The following RAB3GAP1 variants were observed in gnomAD, a reference collection of about 807,000 sequenced individuals.
RAB3GAP1 encodes RAB3 GTPase activating protein catalytic subunit 1.
RAB3GAP1 carries 86 observed loss-of-function variants against 130.7 expected under a neutral mutation model. That is an observed-to-expected ratio of 0.66 (90% CI 0.55 to 0.79). The LOEUF (loss-of-function observed/expected upper bound fraction) is 0.79, where lower values mean the gene tolerates loss of function less well. Ranked by LOEUF, RAB3GAP1 falls within the 30% of genes least tolerant of loss-of-function variation. The pLI is 0.00. For missense variants in RAB3GAP1, 1,029 were observed against 1,169.4 expected (o/e 0.88, Z 1.75); for synonymous variants, 367 against 401.7 (o/e 0.91, Z 1.03).
At chr2:135,114,259 T>C (rs1371828131) in intron 6 of RAB3GAP1, among the ~76,000 whole-genome samples, 1 of 152,234 alleles carries the variant, frequency 6.6e-6, no homozygotes, top group Non-Finnish European at 1.5e-5. Context: ...GGCCCTATTC[T>C]TAAATGGAAG....
chr2:135,113,082 G>A, intron 5 of RAB3GAP1, 69 bp from the exon 6 acceptor site: 1 of 1,605,846 alleles, frequency 6.2e-7, no homozygotes, highest in Non-Finnish European at 8.5e-7. Flanking sequence ...ATTTTTTTGT[G>A]CTTTTCAAGT....
intron 5 of RAB3GAP1, among the ~76,000 whole-genome samples, chr2:135,102,147 A>G (rs1018341086): frequency 6.6e-6 from 1 of 152,222 alleles, no homozygotes; most frequent in African/African-American, 2.4e-5. Flanking sequence ...ATCTGGGTGG[A>G]CCCAGTATAA....
chr2:135,103,031 T>G (rs1264181492), intron 5 of RAB3GAP1, among the ~76,000 whole-genome samples: 1 of 136,428 alleles, frequency 7.3e-6, no homozygotes, highest in Non-Finnish European at 1.5e-5. Context: ...AAATCATTTT[T>G]GTGATTTTTT....
rs2104957754 is a variant in RAB3GAP1 at position 135,139,095 on chromosome 2, T to G, written c.1923+3163T>G. ...ATCGCCTATGATTTTTCTTTTAGGTTGCTCCCCTGTTCTTATTGATTCATA... is the reference window on the plus strand; with the variant it reads ...ATCGCCTATGATTTTTCTTTTAGGTGGCTCCCCTGTTCTTATTGATTCATA... On this transcript the variant is annotated intron_variant, in intron 17 of 23. Coordinates refer to ENST00000264158, the MANE Select transcript of RAB3GAP1 (RefSeq NM_012233.3). Among the ~76,000 whole-genome samples, 2 of 152,328 alleles carry G rather than the reference T, an allele frequency of 1.3e-5. 1 individual carries two copies. The highest frequency in any genetic ancestry group is 3.9e-4 in the East Asian group (2 of 5,190).
intron 5 of RAB3GAP1, among the ~76,000 whole-genome samples, chr2:135,108,608 T>G (rs1407238590): frequency 6.6e-6 from 1 of 152,066 alleles, no homozygotes; most frequent in Non-Finnish European, 1.5e-5. Context: ...CTGAAATGTC[T>G]TTTGCAAATA....
In RAB3GAP1 at chr2:135,150,446, G is replaced by C. The variant is rs1692143443; in HGVS notation, c.2001G>C (p.Gly667=). Residue 667 remains glycine, a synonymous_variant, in exon 18 of 24, where the codon GGG becomes GGC. Coordinates refer to ENST00000264158, the MANE Select transcript of RAB3GAP1 (RefSeq NM_012233.3). ...VLAKLGTSAE[G]AHLRARMQSA... is the part of the protein sequence containing the mutation. Reference sequence around the variant, plus strand: ...CTAAATTAGGTACATCGGCAGAGGGGGCTCACCTTCGAGCACGCATGCAGA... The same window carrying C: ...CTAAATTAGGTACATCGGCAGAGGGCGCTCACCTTCGAGCACGCATGCAGA... 1 of 1,614,042 alleles carries C rather than the reference G, an allele frequency of 6.2e-7. No individual in the cohort carries two copies.
intron 9 of RAB3GAP1, among the ~76,000 whole-genome samples, 181 bp from the exon 10 acceptor site, chr2:135,126,000 T>G (rs1691336966): frequency 6.6e-6 from 1 of 152,208 alleles, no homozygotes; most frequent in Non-Finnish European, 1.5e-5. Context: ...GATGAATGTT[T>G]GCAAAACATT....
chr2:135,119,977 TTTG>T (rs1430093451), intron 7 of RAB3GAP1, among the ~76,000 whole-genome samples: 4 of 152,206 alleles, frequency 2.6e-5, no homozygotes, highest in Non-Finnish European at 5.9e-5. Context: ...TAAGTTTTCT[TTTG>T]TTAGCTGATT....
chr2:135,080,508 A>G (rs773458138), intron 3 of RAB3GAP1, among the ~76,000 whole-genome samples: 13 of 152,214 alleles, frequency 8.5e-5, no homozygotes, highest in Admixed American at 2.6e-4. Flanking sequence ...CCAAGTGCCT[A>G]TTAGATCTGA....
chr2:135,146,515 A>G (rs1379287188), intron 17 of RAB3GAP1, among the ~76,000 whole-genome samples: 1 of 152,120 alleles, frequency 6.6e-6, no homozygotes, highest in African/African-American at 2.4e-5. Context: ...CCTGACTCCA[A>G]ATGAATATTT....
intron 3 of RAB3GAP1, among the ~76,000 whole-genome samples, chr2:135,078,697 C>T (rs1364961957): frequency 9.7e-6 from 1 of 103,022 alleles, no homozygotes; most frequent in African/African-American, 4.3e-5. Context: ...CCCCTGCCCT[C>T]CCCTCCCCTC....
intron 3 of RAB3GAP1, among the ~76,000 whole-genome samples, chr2:135,087,255 T>G (rs1371820458): frequency 6.6e-6 from 1 of 152,218 alleles, no homozygotes; most frequent in Non-Finnish European, 1.5e-5. Flanking sequence ...GGACTCTATT[T>G]CATTGATCTG....
At position 135,168,966 on chromosome 2, in the gene RAB3GAP1, G is replaced by T; in HGVS notation, c.*185G>T. ...TGAGCTGTGTCGTTTCGTGGAGGGGGCAGCGAGGATGGGCTTGAGCTGTTG... is the reference window on the plus strand; with the variant it reads ...TGAGCTGTGTCGTTTCGTGGAGGGGTCAGCGAGGATGGGCTTGAGCTGTTG... On this transcript the variant is annotated 3_prime_UTR_variant, in exon 24 of 24. Coordinates refer to ENST00000264158, the MANE Select transcript of RAB3GAP1 (RefSeq NM_012233.3). 1.5e-6 allele frequency: 1 copy of T among 657,144 alleles called. No homozygotes were observed. The highest frequency in any genetic ancestry group is 1.8e-5 in the African/African-American group (1 of 54,606). The allele number at this position is 657,144 out of a possible 1,614,324, so 40.7% of individuals were successfully genotyped here.
chr2:135,056,899 G>GA (rs1293454551), intron 2 of RAB3GAP1, among the ~76,000 whole-genome samples: 14 of 152,186 alleles, frequency 9.2e-5, no homozygotes, highest in African/African-American at 2.9e-4. Context: ...GTCACTGAAG[G>GA]AAAAAATCTG....
At chr2:135,087,383 A>ATAT (rs1384385769) in intron 3 of RAB3GAP1, among the ~76,000 whole-genome samples, 1 of 152,182 alleles carries the variant, frequency 6.6e-6, no homozygotes, top group Non-Finnish European at 1.5e-5. Flanking sequence ...TTGGATTTTC[A>ATAT]TATTAGTTTT....
At position 135,160,241 on chromosome 2, in the gene RAB3GAP1, A is replaced by G. The variant is rs893003990; in HGVS notation, c.2290-2314A>G. Among the ~76,000 whole-genome samples, 5 of 152,334 alleles carry G rather than the reference A, an allele frequency of 3.3e-5. No individual in the cohort carries two copies. The South Asian group carries it at 6.2e-4, about 19-fold the overall frequency. ...AAAAAGTAGGGAGGAAGAGGAAACTATACTCAAAATGCCAATGTTATAAAA... is the reference window on the plus strand; with the variant it reads ...AAAAAGTAGGGAGGAAGAGGAAACTGTACTCAAAATGCCAATGTTATAAAA... On this transcript the variant is annotated intron_variant, in intron 19 of 23. Coordinates refer to ENST00000264158, the MANE Select transcript of RAB3GAP1 (RefSeq NM_012233.3).
chr2:135,162,681 C>T, intron 20 of RAB3GAP1, 30 bp downstream of exon 20: 1 of 1,605,424 alleles, frequency 6.2e-7, no homozygotes, highest in Non-Finnish European at 8.5e-7. Context: ...AGTCATTAGT[C>T]ATTTCCAAAG....
At chr2:135,160,818 AAT>A (rs1692446934) in intron 19 of RAB3GAP1, among the ~76,000 whole-genome samples, 1 of 152,134 alleles carries the variant, frequency 6.6e-6, no homozygotes, top group Admixed American at 6.5e-5. Context: ...TTGATTATAT[AAT>A]AAAATATTTT....
At chr2:135,112,456 T>C (rs186092847) in intron 5 of RAB3GAP1, among the ~76,000 whole-genome samples, 21 of 152,278 alleles carry the variant, frequency 1.4e-4, no homozygotes, top group Admixed American at 2.0e-4. Flanking sequence ...GATGAAGCAA[T>C]GAAGGCAAGG....
Sources: allele counts gnomAD v4.1 joint callset (sites outside exome capture counted in the v4.1 genomes callset), GRCh38; gene constraint gnomAD v4.1.1; transcripts MANE v1.5; gene names NCBI Gene and HGNC (gene_info 2026-07-23, HGNC 2026-07-21).